The following TAF4 variants were observed in gnomAD, a reference collection of about 807,000 sequenced individuals.
The protein encoded by TAF4 is transcription initiation factor TFIID subunit 4.
Under a neutral mutation model 90.3 loss-of-function variants are expected in TAF4, and 9 were observed. That is an observed-to-expected ratio of 0.10 (90% CI 0.06 to 0.17). TAF4 has a LOEUF of 0.17. Ranked by LOEUF, TAF4 falls within the 10% of genes least tolerant of loss-of-function variation. TAF4 has a pLI of 1.00. For synonymous variants in TAF4, 818 were observed against 638.9 expected (o/e 1.28, Z -4.23); for missense variants, 1,351 against 1,370.7 (o/e 0.99, Z 0.23).
intron 1 of TAF4, among the ~76,000 whole-genome samples, chr20:62,057,315 C>T (rs1414204817): frequency 3.9e-5 from 6 of 152,254 alleles, no homozygotes; most frequent in Non-Finnish European, 7.3e-5. Flanking sequence ...GCCTTGTCCA[C>T]GCACTGTCCA....
chr20:61,993,029 G>C (rs1248144751), intron 14 of TAF4, among the ~76,000 whole-genome samples: 3 of 152,142 alleles, frequency 2.0e-5, no homozygotes, highest in African/African-American at 7.2e-5. Flanking sequence ...ATCTTCACCT[G>C]GATATATGGA....
intron 1 of TAF4, among the ~76,000 whole-genome samples, chr20:62,021,887 A>G (rs1286441653): frequency 6.6e-6 from 1 of 151,984 alleles, no homozygotes; most frequent in Non-Finnish European, 1.5e-5. Context: ...GGCGACAGAG[A>G]GGCACTGTGT....
intron 14 of TAF4, among the ~76,000 whole-genome samples, chr20:61,991,647 G>C (rs980390809): frequency 2.0e-5 from 3 of 152,014 alleles, no homozygotes; most frequent in Non-Finnish European, 4.4e-5. Context: ...AAAATTAAGA[G>C]ACTGTAAAAA....
intron 6 of TAF4, 79 bp downstream of exon 6, chr20:62,007,468 C>T (rs566848877): frequency 2.9e-6 from 4 of 1,401,408 alleles, no homozygotes; most frequent in East Asian, 2.3e-5. Flanking sequence ...GGAGCATCCT[C>T]GCCCTGCACA....
intron 1 of TAF4, among the ~76,000 whole-genome samples, chr20:62,032,197 A>T (rs138463176): frequency 2.4e-4 from 37 of 152,280 alleles, no homozygotes; most frequent in Non-Finnish European, 5.3e-4. Context: ...GGGGGCAGTC[A>T]ACTCTGCAAG....
intron 5 of TAF4, chr20:62,008,746 G>T: frequency 4.0e-6 from 1 of 249,740 alleles, no homozygotes; most frequent in Non-Finnish European, 7.6e-6. Context: ...CCTGACCAGA[G>T]TGCAGCATGG....
rs1225563730 is a variant in TAF4 at position 62,003,878 on chromosome 20, C to G, written c.2224G>C (p.Val742Leu). 1.9e-6 allele frequency: 3 copies of G among 1,561,152 alleles called. No homozygotes were observed. Among genetic ancestry groups the G allele is most frequent in the Non-Finnish European group, 2.6e-6 (3 of 1,156,160 alleles). Residue 742 changes from valine (V) to leucine (L), a missense_variant and splice_region_variant, in exon 8 of 15, where the codon GTC becomes CTC. Val to Leu is a conservative substitution (Grantham distance 32). Around this residue, in one of 9 missense-constraint regions of TAF4, gnomAD observed 202 missense variants for 229.7 expected, o/e 0.88. Transcript: ENST00000252996. ...VGKQGQPTPL[V>L]IQQPPKPGAL... Reference sequence around the variant, plus strand: ...CCTGGCTTCGGAGGCTGCTGGATGACCTGAGGCAGAGCCAGCAGAGAATGG... The same window carrying G: ...CCTGGCTTCGGAGGCTGCTGGATGAGCTGAGGCAGAGCCAGCAGAGAATGG...
chr20:62,018,926 T>C (rs1029288185), intron 1 of TAF4, among the ~76,000 whole-genome samples: 1 of 152,146 alleles, frequency 6.6e-6, no homozygotes. Flanking sequence ...CCTGGGACCC[T>C]GCCTCCTGAC....
chr20:62,051,766 C>T (rs570134790), intron 1 of TAF4, among the ~76,000 whole-genome samples: 7 of 152,310 alleles, frequency 4.6e-5, no homozygotes, highest in Admixed American at 2.0e-4. Context: ...TGGCCCTCAA[C>T]GCTGCCCCTG....
At chr20:62,033,565 CG>C (rs1163079285) in intron 1 of TAF4, among the ~76,000 whole-genome samples, 3 of 152,052 alleles carry the variant, frequency 2.0e-5, no homozygotes, top group Admixed American at 6.6e-5. Flanking sequence ...GGCGAAACCC[CG>C]TCTCTACTAA....
At chr20:62,054,179 C>T (rs2056047287) in intron 1 of TAF4, among the ~76,000 whole-genome samples, 1 of 152,346 alleles carries the variant, frequency 6.6e-6, no homozygotes, top group Non-Finnish European at 1.5e-5. Flanking sequence ...CAAGCTGAAC[C>T]ATTTCCAGTC....
At chr20:62,009,592 C>T (rs553271510) in intron 4 of TAF4, among the ~76,000 whole-genome samples, 31 of 152,346 alleles carry the variant, frequency 2.0e-4, no homozygotes, top group African/African-American at 7.2e-4. Flanking sequence ...TCAAGTGGGG[C>T]CCACTGTTTA....
intron 4 of TAF4, among the ~76,000 whole-genome samples, chr20:62,009,525 T>C (rs534936220): frequency 6.6e-6 from 1 of 152,246 alleles, no homozygotes; most frequent in East Asian, 1.9e-4. Context: ...AGGAACCAAA[T>C]AGGATGCGGT....
rs1269669759 is a variant in TAF4, at chr20:62,065,058, C to T, written c.753G>A (p.Ala251=). The T allele has an allele frequency of 3.3e-5, 25 of 756,242 alleles. No homozygotes were observed. The highest frequency in any genetic ancestry group is 3.8e-5 in the Non-Finnish European group (25 of 656,894). 46.8% of individuals were successfully genotyped at this position (756,242 alleles called of 1,614,324 possible). Residue 251 remains alanine (A), a synonymous_variant, in exon 1 of 15, where the codon GCG becomes GCA. Transcript: ENST00000252996. ...CGGCGGGGGGCGAGGGCGCGGCGGGCGCGGGGGGCGCGGCGGCGCCCACGA... is the reference window on the plus strand; with the variant it reads ...CGGCGGGGGGCGAGGGCGCGGCGGGTGCGGGGGGCGCGGCGGCGCCCACGA... ...PPFVGAAAPP[A]PAAPSPPAAP...
At chr20:62,020,739 T>C (rs1390011410) in intron 1 of TAF4, among the ~76,000 whole-genome samples, 1 of 152,086 alleles carries the variant, frequency 6.6e-6, no homozygotes, top group African/African-American at 2.4e-5. Flanking sequence ...GATTATCCAA[T>C]ACGACAGTCA....
rs2055486286 is a variant in TAF4, at chr20:61,975,333, ATTC to A, written c.*832_*834del. 1 of 152,336 alleles carries A rather than the reference ATTC, an allele frequency of 6.6e-6. No homozygotes were observed. The highest frequency in any genetic ancestry group is 2.4e-5 in the African/African-American group (1 of 41,382). 9.4% of individuals were successfully genotyped at this position (152,336 alleles called of 1,614,324 possible). A position where few individuals can be genotyped will look rare whatever the true frequency, so the allele number is the denominator to read the frequency against. ...TACACCAACCATTTTTCAACACTTG[ATTC>A]ACACCGAGAAACAGTCTTTTGATGA... On this transcript the variant is annotated 3_prime_UTR_variant, in exon 15 of 15. Transcript: ENST00000252996.
At chr20:62,007,208 A>G (rs937057881) in intron 6 of TAF4, among the ~76,000 whole-genome samples, 2 of 152,174 alleles carry the variant, frequency 1.3e-5, no homozygotes, top group African/African-American at 4.8e-5. Context: ...ATGATTACCC[A>G]ACAGAGACAG....
At chr20:62,053,348 G>A (rs960936273) in intron 1 of TAF4, among the ~76,000 whole-genome samples, 7 of 152,160 alleles carry the variant, frequency 4.6e-5, no homozygotes, top group South Asian at 2.1e-4. Flanking sequence ...GACCAGGACC[G>A]CCCTCGCACT....
At position 62,021,544 on chromosome 20, in the gene TAF4, G is replaced by C. The variant is rs142245955; in HGVS notation, c.1361-6837C>G. Among the ~76,000 whole-genome samples, 10 of 152,254 alleles carry C rather than the reference G, an allele frequency of 6.6e-5. No individual in the cohort carries two copies. In the East Asian group the frequency reaches 1.7e-3, roughly 26 times the overall value. ...GCCAAGGGCCGTGCGCGCCCAACGC[G>C]GAGTCGGCCAGGGCTGCGTGGGCTG... is the stretch of plus-strand genomic sequence containing the variant. On this transcript the variant is annotated intron_variant, in intron 1 of 14. Coordinates refer to ENST00000252996, the MANE Select transcript of TAF4 (RefSeq NM_003185.4).
Sources: gnomAD v4.1 joint callset for allele counts (sites outside exome capture counted in the v4.1 genomes callset) on GRCh38, gnomAD v4.1.1 for gene constraint, gnomAD v4.1.1 regional missense constraint, MANE v1.5 for transcripts, NCBI Gene and HGNC (gene_info 2026-07-23, HGNC 2026-07-21) for gene names.